Variants in HNF4G observed in about 807,000 individuals in gnomAD.
The protein encoded by HNF4G is hepatocyte nuclear factor 4 gamma.
HNF4G carries 21 observed loss-of-function variants against 50.9 expected under a neutral mutation model. The ratio of observed to expected loss-of-function variants is 0.41; its 90% confidence interval spans 0.29 to 0.59. HNF4G has a LOEUF of 0.59. Ranked by LOEUF, HNF4G falls within the 20% of genes least tolerant of loss-of-function variation. The pLI is 0.26. For missense variants in HNF4G, 527 were observed against 559.4 expected, an observed-to-expected ratio of 0.94 and a Z score of 0.58; for synonymous variants, 198 against 185.6, an observed-to-expected ratio of 1.07 and a Z score of -0.54.
At chr8:75,558,693 G>C (rs1807206758) in intron 7 of HNF4G, 23 bp downstream of exon 7, 1 of 1,599,906 alleles carries the variant, frequency 6.3e-7, no homozygotes, top group Non-Finnish European at 8.5e-7. Context: ...AATTCCACTA[G>C]AGAATTAATA....
rs1806565696 is a variant in HNF4G, at chr8:75,539,923, C to G, written c.-40C>G. 2.2e-6 allele frequency: 2 copies of G among 928,726 alleles called. No homozygotes were observed. The highest frequency in any genetic ancestry group is 3.6e-6 in the Non-Finnish European group (2 of 560,258). 57.5% of individuals were successfully genotyped at this position (928,726 alleles called of 1,614,324 possible). ...CACATCAAAACACTCATCACGCACT[C>G]TGGGCTTGTGGTGCCACTTGTATGT... is the stretch of plus-strand genomic sequence containing the variant. On this transcript the variant is annotated 5_prime_UTR_variant, in exon 1 of 10. Coordinates refer to ENST00000396423, the MANE Select transcript of HNF4G (RefSeq NM_004133.5).
intron 1 of HNF4G, among the ~76,000 whole-genome samples, chr8:75,441,553 A>T (rs190446149): frequency 2.0e-4 from 30 of 152,184 alleles, no homozygotes; most frequent in Admixed American, 6.5e-4. Context: ...CCTTTATAAC[A>T]CATTTTTAAG....
intron 2 of HNF4G, among the ~76,000 whole-genome samples, chr8:75,511,405 A>G (rs979575364): frequency 6.6e-6 from 1 of 152,162 alleles, no homozygotes; most frequent in Non-Finnish European, 1.5e-5. Context: ...ATTCTTCAGA[A>G]TTATCCTGGC....
chr8:75,526,640 C>A (rs1168437169), intron 2 of HNF4G, among the ~76,000 whole-genome samples: 1 of 151,926 alleles, frequency 6.6e-6, no homozygotes, highest in Non-Finnish European at 1.5e-5. Context: ...ATTAAGCAAT[C>A]CTTCCACCTC....
intron 9 of HNF4G, among the ~76,000 whole-genome samples, chr8:75,561,933 T>C (rs1226292676): frequency 6.6e-6 from 1 of 152,190 alleles, no homozygotes; most frequent in East Asian, 1.9e-4. Context: ...AAATCTCTAA[T>C]TATTTGATTA....
At position 75,539,873 on chromosome 8, in the gene HNF4G, T is replaced by G; in HGVS notation, c.-90T>G. On this transcript the variant is annotated 5_prime_UTR_variant, in exon 1 of 10. The change creates a new upstream start codon in the 5' untranslated region. Coordinates refer to ENST00000396423, the MANE Select transcript of HNF4G (RefSeq NM_004133.5). ...CACTCAGTTACAGTTAACTTTGGAT[T>G]AGCACTCACAGATTGAAAGCAAAAC... is the stretch of plus-strand genomic sequence containing the variant. The G allele has an allele frequency of 1.5e-6, 1 of 661,512 alleles. No individual in the cohort carries two copies. Among genetic ancestry groups the G allele is most frequent in the Non-Finnish European group, 2.8e-6 (1 of 361,314 alleles). 41.0% of individuals were successfully genotyped at this position (661,512 alleles called of 1,614,324 possible).
intron 1 of HNF4G, among the ~76,000 whole-genome samples, chr8:75,470,882 G>C (rs1812098467): frequency 6.6e-6 from 1 of 152,158 alleles, no homozygotes. Context: ...AGAGATACAA[G>C]GGGTTAAGTC....
At chr8:75,454,591 T>C (rs1271483818) in intron 1 of HNF4G, among the ~76,000 whole-genome samples, 1 of 152,196 alleles carries the variant, frequency 6.6e-6, no homozygotes, top group Admixed American at 6.5e-5. Flanking sequence ...AGCTTGTTGC[T>C]GTGTCAGGCT....
chr8:75,491,813 T>C (rs1329271489), intron 2 of HNF4G, among the ~76,000 whole-genome samples: 1 of 152,152 alleles, frequency 6.6e-6, no homozygotes, highest in Non-Finnish European at 1.5e-5. Flanking sequence ...GAAATGCAAG[T>C]CGCTTAGAGG....
intron 2 of HNF4G, among the ~76,000 whole-genome samples, chr8:75,502,046 T>C (rs1812942042): frequency 6.6e-6 from 1 of 152,064 alleles, no homozygotes; most frequent in South Asian, 2.1e-4. Flanking sequence ...AGAGACGAGG[T>C]TTCACCCTGT....
At chr8:75,420,704 T>C (rs1373154549) in intron 1 of HNF4G, among the ~76,000 whole-genome samples, 1 of 152,182 alleles carries the variant, frequency 6.6e-6, no homozygotes, top group Non-Finnish European at 1.5e-5. Context: ...TTCATATTTA[T>C]TGATGATTGG....
At chr8:75,484,389 T>C (rs1187083609) in intron 1 of HNF4G, among the ~76,000 whole-genome samples, 2 of 141,116 alleles carry the variant, frequency 1.4e-5, no homozygotes, top group East Asian at 2.1e-4. Flanking sequence ...CTGATTGCAA[T>C]TGTGGAAACA....
chr8:75,552,747 G>A (rs1414966859), intron 4 of HNF4G, among the ~76,000 whole-genome samples: 1 of 152,032 alleles, frequency 6.6e-6, no homozygotes, highest in Admixed American at 6.6e-5. Context: ...TTCCTCAAAA[G>A]TTGGGGTAAA....
At chr8:75,462,590 C>T (rs1009499738) in intron 1 of HNF4G, among the ~76,000 whole-genome samples, 7 of 152,232 alleles carry the variant, frequency 4.6e-5, no homozygotes, top group East Asian at 1.9e-4. Flanking sequence ...CTGCAGAAAA[C>T]GAAACCTTGG....
intron 1 of HNF4G, among the ~76,000 whole-genome samples, chr8:75,463,735 A>G (rs1811905330): frequency 6.9e-6 from 1 of 144,412 alleles, no homozygotes; most frequent in South Asian, 2.2e-4. Flanking sequence ...CAGTTTTCCT[A>G]TAACCACCTC....
chr8:75,549,810 C>T (rs1806894851), intron 3 of HNF4G, among the ~76,000 whole-genome samples: 1 of 151,768 alleles, frequency 6.6e-6, no homozygotes, highest in Non-Finnish European at 1.5e-5. Context: ...CTTCCTATGT[C>T]CATGTGTTCT....
intron 1 of HNF4G, among the ~76,000 whole-genome samples, chr8:75,456,047 A>G (rs1201592156): frequency 6.6e-6 from 1 of 152,154 alleles, no homozygotes; most frequent in Non-Finnish European, 1.5e-5. Context: ...CGGTTATGAG[A>G]TCTGTAAAGA....
intron 1 of HNF4G, among the ~76,000 whole-genome samples, chr8:75,465,318 A>G (rs75359738): frequency 0.064 from 9,675 of 152,234 alleles, 346 homozygotes; most frequent in Non-Finnish European, 0.066. Flanking sequence ...AATTTCATCA[A>G]TAAAGTTATA....
At chr8:75,508,925 G>C (rs1004638245) in intron 2 of HNF4G, among the ~76,000 whole-genome samples, 3 of 152,174 alleles carry the variant, frequency 2.0e-5, no homozygotes, top group Non-Finnish European at 2.9e-5. Context: ...ATGATGTCAC[G>C]AATGAATTTT....
Sources: gnomAD v4.1 joint callset for allele counts (sites outside exome capture counted in the v4.1 genomes callset) on GRCh38, gnomAD v4.1.1 for gene constraint, MANE v1.5 for transcripts, NCBI Gene and HGNC (gene_info 2026-07-23, HGNC 2026-07-21) for gene names.